The following ZNF141 variants were observed in gnomAD, a reference collection of about 807,000 sequenced individuals.
ZNF141 encodes the protein zinc finger protein 141 (clone pHZ-44).
Under a neutral mutation model 11.3 loss-of-function variants are expected in ZNF141, and 7 were observed. That is an observed-to-expected ratio of 0.62 (90% CI 0.35 to 1.16). The LOEUF is 1.16. Among genes scored for constraint, ZNF141 ranks in the 50% most tolerant of loss-of-function variants. The pLI is 0.02. For synonymous variants in ZNF141, 183 were observed against 190.7 expected, an observed-to-expected ratio of 0.96 and a Z score of 0.33; for missense variants, 535 against 554.0, an observed-to-expected ratio of 0.97 and a Z score of 0.34.
In ZNF141 at chr4:344,552, T is replaced by A. The variant is rs148353671; in HGVS notation, c.226+122T>A. On this transcript the variant is annotated intron_variant, in intron 3 of 3. Coordinates refer to ENST00000240499, the MANE Select transcript of ZNF141 (RefSeq NM_003441.4). ...GGCTCATGCCTGTAATCCAAGGACT[T>A]TGGGAGGCCGAGGCAGGCGGATCAC... The A allele has an allele frequency of 4.3e-3, 3,015 of 708,096 alleles. 76 individuals are homozygous for A. The African/African-American group carries it at 0.048, about 11-fold the overall frequency. 43.9% of individuals were successfully genotyped at this position (708,096 alleles called of 1,614,324 possible).
chr4:356,493 TTGTC>T (rs1191838883), intron 3 of ZNF141, among the ~76,000 whole-genome samples: 2 of 151,774 alleles, frequency 1.3e-5, no homozygotes, highest in Admixed American at 1.3e-4. Context: ...ACCCGGTTAA[TTGTC>T]TGTATTTTTT....
chr4:337,936 A>T lies in ZNF141; in HGVS notation c.-48A>T. On this transcript the variant is annotated 5_prime_UTR_variant, in exon 1 of 4. Transcript: ENST00000240499. ...CTCCGTCGCTCTGTGACCTGCGGGT[A>T]TTGGATGATTGGTAGCTAAGACTCC... 3 of 1,609,480 alleles carry T rather than the reference A, an allele frequency of 1.9e-6. No individual in the cohort carries two copies. The highest frequency in any genetic ancestry group is 3.3e-4 in the Middle Eastern group (2 of 6,032).
At chr4:360,973 CTATT>C (rs1218450848) in intron 3 of ZNF141, among the ~76,000 whole-genome samples, 1 of 151,996 alleles carries the variant, frequency 6.6e-6, no homozygotes, top group Non-Finnish European at 1.5e-5. Context: ...AATTTACCAT[CTATT>C]TATTGTTTGA....
In ZNF141 at chr4:374,426, TAAG is replaced by T. The variant is rs1553854266; in HGVS notation, c.*566_*568del. 2.8e-6 allele frequency: 1 copy of T among 358,116 alleles called. No individual in the cohort carries two copies. The highest frequency in any genetic ancestry group is 2.1e-5 in the African/African-American group (1 of 47,310). The allele number at this position is 358,116 out of a possible 1,614,324, so 22.2% of individuals were successfully genotyped here. ...CCACATCCTCAAACTTTGTTAAACA[TAAG>T]AGAATTTATACCAGAGAGAAACCCT... On this transcript the variant is annotated 3_prime_UTR_variant, in exon 4 of 4. Transcript: ENST00000240499.
At chr4:359,166 G>A (rs7682616) in intron 3 of ZNF141, among the ~76,000 whole-genome samples, 65,838 of 151,948 alleles carry the variant, frequency 0.43, 14,855 homozygotes, top group African/African-American at 0.57. Context: ...TCCTGGTCAC[G>A]TAACTACTAC....
chr4:370,737 C>CT (rs1283246525), intron 3 of ZNF141, among the ~76,000 whole-genome samples: 40 of 149,664 alleles, frequency 2.7e-4, no homozygotes, highest in South Asian at 4.2e-4. Flanking sequence ...TGAGCTCCTT[C>CT]TTTTTTTTTT....
intron 3 of ZNF141, among the ~76,000 whole-genome samples, chr4:352,548 G>A (rs1210699149): frequency 6.6e-6 from 1 of 152,188 alleles, no homozygotes; most frequent in Non-Finnish European, 1.5e-5. Context: ...GAGTCCAGGG[G>A]CCTGGGGGAA....
intron 3 of ZNF141, among the ~76,000 whole-genome samples, chr4:371,560 G>A (rs1400331044): frequency 6.7e-6 from 1 of 148,806 alleles, no homozygotes; most frequent in Non-Finnish European, 1.5e-5. Context: ...GTGTGTGTGT[G>A]TCAGAGTCTC....
At chr4:371,216 T>C (rs1260325194) in intron 3 of ZNF141, among the ~76,000 whole-genome samples, 9 of 151,126 alleles carry the variant, frequency 6.0e-5, no homozygotes, top group Non-Finnish European at 1.3e-4. Context: ...ACATCTTCAT[T>C]TTTAATTTTT....
At chr4:338,842 ACTC>A (rs1256751864) in intron 1 of ZNF141, among the ~76,000 whole-genome samples, 1 of 151,944 alleles carries the variant, frequency 6.6e-6, no homozygotes, top group African/African-American at 2.4e-5. Flanking sequence ...TGTTGAGCAA[ACTC>A]CTCACGTTTC....
chr4:345,705 G>A (rs1721287563), intron 3 of ZNF141, among the ~76,000 whole-genome samples: 2 of 131,542 alleles, frequency 1.5e-5, no homozygotes, highest in Admixed American at 1.7e-4. Flanking sequence ...TCCAGCCTGG[G>A]CAACAAGAGT....
At chr4:362,936 A>G (rs1447119366) in intron 3 of ZNF141, among the ~76,000 whole-genome samples, 4 of 152,190 alleles carry the variant, frequency 2.6e-5, no homozygotes, top group African/African-American at 4.8e-5. Flanking sequence ...TAGCTTGATG[A>G]GGATGGCATT....
At chr4:344,022 T>C in intron 2 of ZNF141, 114 bp downstream of exon 2, 1 of 1,430,002 alleles carries the variant, frequency 7.0e-7, no homozygotes, top group East Asian at 2.4e-5. Context: ...CCTTCTCTTT[T>C]CTTGAGCTAA....
At chr4:367,255 A>G (rs534677718) in intron 3 of ZNF141, among the ~76,000 whole-genome samples, 19 of 152,268 alleles carry the variant, frequency 1.2e-4, no homozygotes, top group South Asian at 4.1e-4. Flanking sequence ...TGATATGTCT[A>G]TTTCCAATAT....
chr4:373,757 A>T lies in ZNF141; in HGVS notation c.1320A>T (p.Gln440His), dbSNP rs1392543839. 2 of 1,614,068 alleles carry T rather than the reference A, an allele frequency of 1.2e-6. No individual in the cohort carries two copies. The highest frequency in any genetic ancestry group is 1.3e-5 in the African/African-American group (1 of 74,936). ...KAFKQFSLLSQHKKIHTVDKP... is the reference protein window; with the variant it reads ...KAFKQFSLLSHHKKIHTVDKP... ...TTAAACAATTTTCGCTCCTGAGTCA[A>T]CATAAGAAAATTCATACTGTAGATA... Residue 440 changes from glutamine (Q) to histidine (H), a missense_variant, in exon 4 of 4, where the codon CAA (glutamine) becomes CAT (histidine). Coordinates refer to ENST00000240499, the MANE Select transcript of ZNF141 (RefSeq NM_003441.4).
intron 1 of ZNF141, chr4:342,992 GTTAAAAAAGTA>G: frequency 1.6e-6 from 2 of 1,224,942 alleles, no homozygotes; most frequent in Non-Finnish European, 2.4e-6. Context: ...TCCTTGCGTG[GTTAAAAAAGTA>G]TTAAAAAAGT....
chr4:358,299 T>C, intron 3 of ZNF141: 1 of 364,200 alleles, frequency 2.7e-6, no homozygotes, highest in South Asian at 2.0e-5. Context: ...GTGATTCTCC[T>C]GCCTCCGCCT....
Position 372,200 on chromosome 4 carries a change from G to T in ZNF141, c.227-464G>T, listed in dbSNP as rs1712102095. ...TTCAGCAGACCCAATCCCTCCCAAA[G>T]TGTATCACCATTTCTATCAGCACTC... On this transcript the variant is annotated intron_variant, in intron 3 of 3. Transcript: ENST00000240499. Among the ~76,000 whole-genome samples the T allele has an allele frequency of 2.0e-5, 3 of 152,190 alleles. No homozygotes were observed. In the South Asian group the frequency reaches 6.2e-4, roughly 31 times the overall value.
chr4:351,127 C>G (rs1721578938), intron 3 of ZNF141, among the ~76,000 whole-genome samples: 1 of 152,034 alleles, frequency 6.6e-6, no homozygotes, highest in African/African-American at 2.4e-5. Context: ...TGTGAGATGA[C>G]TCACTCTCCC....
Sources: gnomAD v4.1 joint callset for allele counts (sites outside exome capture counted in the v4.1 genomes callset) on GRCh38, gnomAD v4.1.1 for gene constraint, MANE v1.5 for transcripts, NCBI Gene and HGNC (gene_info 2026-07-23, HGNC 2026-07-21) for gene names.